The following POLR2J variants were observed in gnomAD, a reference collection of about 807,000 sequenced individuals.
POLR2J encodes the protein DNA-directed RNA polymerase II subunit RPB11-a.
POLR2J carries 12 observed loss-of-function variants against 13.4 expected under a neutral mutation model. The ratio of observed to expected loss-of-function variants is 0.90; its 90% confidence interval spans 0.57 to 1.45. The LOEUF (loss-of-function observed/expected upper bound fraction) is 1.45. POLR2J is among the 40% of genes most tolerant of loss of function. The probability of loss-of-function intolerance (pLI) is 0.00; values close to 1 mark genes in which losing one functional copy is unlikely to be tolerated. For synonymous variants in POLR2J, 31 were observed against 53.6 expected, an observed-to-expected ratio of 0.58 and a Z score of 1.84; for missense variants, 58 against 132.0, an observed-to-expected ratio of 0.44 and a Z score of 2.75.
rs1257437371 is a variant in POLR2J at position 102,473,334 on chromosome 7, A to ATCTT, written c.*311_*314dup. On this transcript the variant is annotated 3_prime_UTR_variant, in exon 4 of 4. Coordinates refer to ENST00000292614, the MANE Select transcript of POLR2J (RefSeq NM_006234.6). ...CCCCGCAGCAGCCCCTGGACCCCGGATCTTTGGTCCAGAATGAATTCATCC... is the reference window on the plus strand; with the variant it reads ...CCCCGCAGCAGCCCCTGGACCCCGGATCTTTCTTTGGTCCAGAATGAATTCATCC... The ATCTT allele has an allele frequency of 5.3e-6, 3 of 561,940 alleles. No individual in the cohort carries two copies. The highest frequency in any genetic ancestry group is 1.9e-5 in the African/African-American group (1 of 52,958). 34.8% of individuals were successfully genotyped at this position (561,940 alleles called of 1,614,324 possible).
At chr7:102,474,128 C>T (rs556696175) in intron 3 of POLR2J, 52 of 1,500,982 alleles carry the variant, frequency 3.5e-5, no homozygotes, top group Non-Finnish European at 4.2e-5. Flanking sequence ...CCACAGCACC[C>T]GAGGGACCCT....
chr7:102,474,885 G>A (rs931354243), intron 2 of POLR2J, among the ~76,000 whole-genome samples: 10 of 149,718 alleles, frequency 6.7e-5, no homozygotes, highest in African/African-American at 1.9e-4. Flanking sequence ...GAGCCTCCAC[G>A]CAGCAAATAA....
rs771963184 is a variant in POLR2J at position 102,473,158 on chromosome 7, G to A, written c.*491C>T. On this transcript the variant is annotated 3_prime_UTR_variant, in exon 4 of 4. Transcript: ENST00000292614. ...GTGAATATTTTTATTAAACTCTACT[G>A]TGGACAAGAAGCCTGTGGAAAGGTG... 6.3e-6 allele frequency: 8 copies of A among 1,274,262 alleles called. No individual in the cohort carries two copies. The highest frequency in any genetic ancestry group is 8.6e-6 in the Non-Finnish European group (8 of 927,020). The allele number at this position is 1,274,262 out of a possible 1,614,324, so 78.9% of individuals were successfully genotyped here. A position where few individuals can be genotyped will look rare whatever the true frequency, so the allele number is the denominator to read the frequency against.
At chr7:102,473,789 C>T in intron 3 of POLR2J, 105 bp from the exon 4 acceptor site, 1 of 1,546,376 alleles carries the variant, frequency 6.5e-7, no homozygotes, top group Non-Finnish European at 8.7e-7. Flanking sequence ...TGGAGGGCAG[C>T]CATGGGCCAC....
chr7:102,477,293 GTT>G (rs1798459052), intron 1 of POLR2J, among the ~76,000 whole-genome samples: 1 of 102,086 alleles, frequency 9.8e-6, no homozygotes, highest in African/African-American at 3.1e-5. Flanking sequence ...CTGGGAACTT[GTT>G]AAGAGTCTCC....
intron 3 of POLR2J, 194 bp from the exon 4 acceptor site, chr7:102,473,878 G>C (rs1586748323): frequency 1.4e-6 from 2 of 1,441,584 alleles, no homozygotes; most frequent in Non-Finnish European, 1.8e-6. Context: ...GCCCCGGCAG[G>C]AGTCAGAGGC....
At position 102,474,110 on chromosome 7, in the gene POLR2J, G is replaced by A. The variant is rs1041528978; in HGVS notation, c.318+251C>T. 3.5e-5 allele frequency: 52 copies of A among 1,480,878 alleles called. No individual in the cohort carries two copies. In the African/African-American group the frequency reaches 6.2e-4, roughly 18 times the overall value. 91.7% of individuals were successfully genotyped at this position (1,480,878 alleles called of 1,614,324 possible). A position where few individuals can be genotyped will look rare whatever the true frequency, so the allele number is the denominator to read the frequency against. The stretch of plus-strand genomic sequence containing the variant: ...CCAAAGGACAGTAGGTCCCCGCCCC[G>A]ATCTGGCCCACAGCACCCGAGGGAC... On this transcript the variant is annotated intron_variant, in intron 3 of 3. Transcript: ENST00000292614.
At chr7:102,475,661 C>T (rs1232724508) in intron 2 of POLR2J, among the ~76,000 whole-genome samples, 53 of 152,284 alleles carry the variant, frequency 3.5e-4, no homozygotes, top group African/African-American at 9.4e-4. Flanking sequence ...CAGTAGCTCA[C>T]GTCTCTAATC....
At position 102,473,389 on chromosome 7, in the gene POLR2J, A is replaced by AGAATGAAT; in HGVS notation, c.*259_*260insATTCATTC. 1 of 580,350 alleles carries AGAATGAAT rather than the reference A, an allele frequency of 1.7e-6. No homozygotes were observed. Among genetic ancestry groups the AGAATGAAT allele is most frequent in the Non-Finnish European group, 2.9e-6 (1 of 343,304 alleles). The allele number at this position is 580,350 out of a possible 1,614,324, so 36.0% of individuals were successfully genotyped here. ...CAGCCGGACGCCCCTGAAACAGGTC[A>AGAATGAAT]TCTGCCTGCATCAAGCCTGACAATC... is the stretch of plus-strand genomic sequence containing the variant. On this transcript the variant is annotated 3_prime_UTR_variant, in exon 4 of 4. Coordinates refer to ENST00000292614, the MANE Select transcript of POLR2J (RefSeq NM_006234.6).
intron 1 of POLR2J, 24 bp downstream of exon 1, chr7:102,478,784 C>A (rs775044984): frequency 1.2e-6 from 2 of 1,609,882 alleles, no homozygotes; most frequent in African/African-American, 2.7e-5. Context: ...CGCACCTCGG[C>A]CCGCCGCAGC....
In POLR2J at chr7:102,473,175, G is replaced by A. The variant is rs1798278402; in HGVS notation, c.*474C>T. 1 of 1,156,692 alleles carries A rather than the reference G, an allele frequency of 8.6e-7. No homozygotes were observed. Among genetic ancestry groups the A allele is most frequent in the South Asian group, 1.6e-5 (1 of 64,110 alleles). The allele number at this position is 1,156,692 out of a possible 1,614,324, so 71.7% of individuals were successfully genotyped here. A position where few individuals can be genotyped will look rare whatever the true frequency, so the allele number is the denominator to read the frequency against. On this transcript the variant is annotated 3_prime_UTR_variant, in exon 4 of 4. Coordinates refer to ENST00000292614, the MANE Select transcript of POLR2J (RefSeq NM_006234.6). ...ACTCTACTGTGGACAAGAAGCCTGT[G>A]GAAAGGTGTTTCGAGTTATGCAGGA...
intron 3 of POLR2J, 54 bp from the exon 4 acceptor site, chr7:102,473,738 C>T (rs1798315969): frequency 1.7e-5 from 28 of 1,611,132 alleles, no homozygotes; most frequent in Non-Finnish European, 2.3e-5. Context: ...GGCAAGGACG[C>T]TGGAAACACA....
chr7:102,473,763 C>T (rs559409345), intron 3 of POLR2J, 79 bp from the exon 4 acceptor site: 12 of 1,586,376 alleles, frequency 7.6e-6, no homozygotes, highest in Non-Finnish European at 1.0e-5. Context: ...CAGCATCCCC[C>T]CCGCCAGGCC....
chr7:102,476,375 A>C, intron 1 of POLR2J, 105 bp from the exon 2 acceptor site: 1 of 578,646 alleles, frequency 1.7e-6, no homozygotes, highest in South Asian at 1.9e-5. Context: ...TCGTGCCTGT[A>C]ATCCCAACAC....
At position 102,473,518 on chromosome 7, in the gene POLR2J, T is replaced by TCAGGGTGAGG. The variant is rs1798301261; in HGVS notation, c.*121_*130dup. On this transcript the variant is annotated 3_prime_UTR_variant, in exon 4 of 4. Transcript: ENST00000292614. Reference sequence around the variant, plus strand: ...AATCTATGTACAGGACACGTCGGTGTCAGGGTGAGGGGTGGCCACAAGGCG... The same window carrying TCAGGGTGAGG: ...AATCTATGTACAGGACACGTCGGTGTCAGGGTGAGGCAGGGTGAGGGGTGGCCACAAGGCG... The TCAGGGTGAGG allele has an allele frequency of 7.2e-7, 1 of 1,395,410 alleles. No homozygotes were observed. The highest frequency in any genetic ancestry group is 9.7e-7 in the Non-Finnish European group (1 of 1,028,350). The allele number at this position is 1,395,410 out of a possible 1,614,324, so 86.4% of individuals were successfully genotyped here.
chr7:102,473,407 T>TGACA lies in POLR2J; in HGVS notation c.*238_*241dup, dbSNP rs1798293503. On this transcript the variant is annotated 3_prime_UTR_variant, in exon 4 of 4. Transcript: ENST00000292614. ...ACAGGTCATCTGCCTGCATCAAGCC[T>TGACA]GACAATCCATTTGCTTGCGAAGTCA... 1 of 612,162 alleles carries TGACA rather than the reference T, an allele frequency of 1.6e-6. No individual in the cohort carries two copies. Among genetic ancestry groups the TGACA allele is most frequent in the Non-Finnish European group, 2.7e-6 (1 of 366,050 alleles). The allele number at this position is 612,162 out of a possible 1,614,324, so 37.9% of individuals were successfully genotyped here.
chr7:102,474,001 G>C, intron 3 of POLR2J: 2 of 1,437,518 alleles, frequency 1.4e-6, no homozygotes, highest in Non-Finnish European at 1.8e-6. Flanking sequence ...AACAGGTGTG[G>C]GCCACCCGGG....
chr7:102,474,699 G>A, intron 2 of POLR2J, among the ~76,000 whole-genome samples, 164 bp from the exon 3 acceptor site: 1 of 121,914 alleles, frequency 8.2e-6, no homozygotes, highest in Admixed American at 8.3e-5. Context: ...CCTCATGTGG[G>A]GACACCCTAT....
At chr7:102,473,917 T>C in intron 3 of POLR2J, 1 of 1,435,248 alleles carries the variant, frequency 7.0e-7, no homozygotes, top group Non-Finnish European at 9.1e-7. Context: ...AGCAGACGAC[T>C]CAGACGTTGA....
Sources: allele counts gnomAD v4.1 joint callset (sites outside exome capture counted in the v4.1 genomes callset), GRCh38; gene constraint gnomAD v4.1.1; transcripts MANE v1.5; gene names NCBI Gene and HGNC (gene_info 2026-07-23, HGNC 2026-07-21).